DISP3: variants seen among roughly 807,000 people sequenced by gnomAD.
DISP3 encodes dispatched RND transporter family member 3.
Under a neutral mutation model 135.3 loss-of-function variants are expected in DISP3, and 101 were observed. That is an observed-to-expected ratio of 0.75 (90% CI 0.64 to 0.88). DISP3 has a LOEUF of 0.88. Among genes scored for constraint, DISP3 ranks in the 40% least tolerant of loss-of-function variants. The probability of loss-of-function intolerance (pLI) is 0.00; values close to 1 mark genes in which losing one functional copy is unlikely to be tolerated. For synonymous variants in DISP3, 856 were observed against 817.0 expected, an observed-to-expected ratio of 1.05 and a Z score of -0.81; for missense variants, 1,713 against 1,878.6, an observed-to-expected ratio of 0.91 and a Z score of 1.63.
Position 11,531,971 on chromosome 1 carries a change from C to A in DISP3, c.3375+261C>A, listed in dbSNP as rs531190385. On this transcript the variant is annotated intron_variant, in intron 17 of 20. Coordinates refer to ENST00000294484, the MANE Select transcript of DISP3 (RefSeq NM_020780.2). The surrounding 1 kb of genome is among the most constrained non-coding windows in gnomAD (Gnocchi z 5.2). ...ACCTTTCCCCTTCCCTCCCTCTCCA[C>A]CAACTGGGGGTCCACGGTATTTTTT... 1.1e-4 allele frequency among the ~76,000 whole-genome samples: 17 copies of A among 152,348 alleles called. No homozygotes were observed. Among genetic ancestry groups the A allele is most frequent in the Middle Eastern group, 3.4e-3 (1 of 294 alleles).
intron 12 of DISP3, among the ~76,000 whole-genome samples, chr1:11,525,937 G>A (rs1196509520): frequency 6.6e-6 from 1 of 152,186 alleles, no homozygotes; most frequent in East Asian, 1.9e-4. Context: ...AGCCTCCTGA[G>A]TAGCTGTGAC....
chr1:11,519,380 ACCT>A lies in DISP3; in HGVS notation c.1918_1920del (p.Ser640del), dbSNP rs779733764. ...CTGCCACCAGAATTGCAGCCGGAAG[ACCT>A]CCCTGCACTTCCCCGGAGACGTGTT... On this transcript the variant is annotated inframe_deletion, in exon 8 of 21. Transcript: ENST00000294484. This position sits in a 1 kb window ranked among gnomAD's most constrained non-coding sequence, Gnocchi z 4.3. 3 of 1,612,818 alleles carry A rather than the reference ACCT, an allele frequency of 1.9e-6. No homozygotes were observed. Among genetic ancestry groups the A allele is most frequent in the Non-Finnish European group, 1.7e-6 (2 of 1,179,740 alleles).
chr1:11,536,645 A>C lies in DISP3; in HGVS notation c.4138A>C (p.Ser1380Arg). The C allele has an allele frequency of 6.3e-7, 1 of 1,596,928 alleles. No individual in the cohort carries two copies. Among genetic ancestry groups the C allele is most frequent in the East Asian group, 2.3e-5 (1 of 43,952 alleles). ...GLGACLVLLQSGYKIPLPAGA... is the reference protein window; with the variant it reads ...GLGACLVLLQRGYKIPLPAGA... ...GGGTGCCTGCCTCGTGCTCCTGCAGAGCGGCTATAAGATTCCCCTGCCCGC... is the reference window on the plus strand; with the variant it reads ...GGGTGCCTGCCTCGTGCTCCTGCAGCGCGGCTATAAGATTCCCCTGCCCGC... Residue 1380 changes from serine to arginine, a missense_variant, in exon 21 of 21, where the codon AGC becomes CGC. Around this residue, in one of 2 missense-constraint regions of DISP3, gnomAD observed 1,142 missense variants for 1,384.6 expected, o/e 0.82. Transcript: ENST00000294484. The surrounding 1 kb of genome is among the most constrained non-coding windows in gnomAD (Gnocchi z 4.3).
At chr1:11,481,054 C>G (rs1202051367) in intron 1 of DISP3, among the ~76,000 whole-genome samples, 1 of 129,808 alleles carries the variant, frequency 7.7e-6, no homozygotes, top group South Asian at 3.0e-4. Context: ...CTCTCTCTCT[C>G]TCTCTCTCTC....
intron 10 of DISP3, among the ~76,000 whole-genome samples, chr1:11,523,262 AAC>A (rs1247894329): frequency 6.6e-6 from 1 of 152,190 alleles, no homozygotes; most frequent in Non-Finnish European, 1.5e-5. Flanking sequence ...AGGAAGGGCT[AAC>A]ACACAACGCT....
chr1:11,518,869 C>T (rs766681695), intron 7 of DISP3, among the ~76,000 whole-genome samples: 2 of 152,266 alleles, frequency 1.3e-5, no homozygotes, highest in East Asian at 1.9e-4. Flanking sequence ...ACACAGCGCT[C>T]GTATCAGCCG....
At chr1:11,514,740 C>T (rs2100450319) in intron 4 of DISP3, among the ~76,000 whole-genome samples, 1 of 152,388 alleles carries the variant, frequency 6.6e-6, no homozygotes, top group South Asian at 2.1e-4. Flanking sequence ...ACACCCTCTA[C>T]CCTGGGCCCC....
In DISP3 at chr1:11,529,986, C is replaced by T. The variant is rs184538743; in HGVS notation, c.3102+27C>T. The T allele has an allele frequency of 2.4e-5, 39 of 1,603,420 alleles. No homozygotes were observed. The highest frequency in any genetic ancestry group is 2.2e-4 in the East Asian group (10 of 44,836). On this transcript the variant is annotated intron_variant, in intron 15 of 20. Transcript: ENST00000294484. The surrounding 1 kb of genome is among the most constrained non-coding windows in gnomAD (Gnocchi z 4.7). ...TACGGGGCATGCGTCGGGCAGATGC[C>T]GAGGGCCCCAGCTGCAACAGTCTTG...
In DISP3 at chr1:11,483,598, A is replaced by G. The variant is rs1426252122; in HGVS notation, c.-4+4226A>G. 6.6e-6 allele frequency among the ~76,000 whole-genome samples: 1 copy of G among 152,240 alleles called. No homozygotes were observed. The highest frequency in any genetic ancestry group is 1.5e-5 in the Non-Finnish European group (1 of 68,044). On this transcript the variant is annotated intron_variant, in intron 1 of 20. Transcript: ENST00000294484. The surrounding 1 kb of genome is among the most constrained non-coding windows in gnomAD (Gnocchi z 5.4). ...TTGTTTTGGTTACTGTCATTCAATA[A>G]ATATTTTCTTGTCGAGAAACCTGTT...
intron 1 of DISP3, chr1:11,481,218 A>C (rs1383219831): frequency 6.6e-6 from 1 of 151,528 alleles, no homozygotes; most frequent in Non-Finnish European, 1.5e-5. Context: ...CCTTAGGGGG[A>C]GCTGACTCCA....
rs185405512 is a variant in DISP3, at chr1:11,492,639, C to T, written c.-3-8351C>T. 2.7e-3 allele frequency among the ~76,000 whole-genome samples: 415 copies of T among 152,230 alleles called. 2 individuals carry two copies. Among genetic ancestry groups the T allele is most frequent in the African/African-American group, 9.4e-3 (391 of 41,522 alleles). ...GTCATTTGTACCCCCTCTGAATTTC[C>T]GGCTGGCAAATTGAGCCAACAAAGA... On this transcript the variant is annotated intron_variant, in intron 1 of 20. Transcript: ENST00000294484.
chr1:11,519,163 C>T lies in DISP3; in HGVS notation c.1890-192C>T, dbSNP rs1259288114. Among the ~76,000 whole-genome samples, 1 of 152,120 alleles carries T rather than the reference C, an allele frequency of 6.6e-6. No homozygotes were observed. The highest frequency in any genetic ancestry group is 6.5e-5 in the Admixed American group (1 of 15,280). On this transcript the variant is annotated intron_variant, in intron 7 of 20. Transcript: ENST00000294484. The surrounding 1 kb of genome is among the most constrained non-coding windows in gnomAD (Gnocchi z 4.3). ...TGTCTCTCTGGAGGAAGACTGGCAC[C>T]TGAGGGCCCTGGGGTAGATGGTACT... is the stretch of plus-strand genomic sequence containing the variant.
At chr1:11,533,708 G>A in intron 17 of DISP3, 3 of 691,466 alleles carry the variant, frequency 4.3e-6, no homozygotes, top group South Asian at 3.1e-5. Flanking sequence ...CCGCTTCCAA[G>A]CTGACCCCAC....
At position 11,529,526 on chromosome 1, in the gene DISP3, G is replaced by T. The variant is rs2100509135; in HGVS notation, c.2799-30G>T. ...CCCCTGACTCCTCCTAGCCTTTCCG[G>T]CCTCAGCCCAGCCTCCATTCCCTCC... On this transcript the variant is annotated intron_variant, in intron 13 of 20. Transcript: ENST00000294484. This position sits in a 1 kb window ranked among gnomAD's most constrained non-coding sequence, Gnocchi z 4.7. The T allele has an allele frequency of 2.0e-6, 3 of 1,533,362 alleles. No homozygotes were observed. The highest frequency in any genetic ancestry group is 2.6e-6 in the Non-Finnish European group (3 of 1,137,664). The allele number at this position is 1,533,362 out of a possible 1,614,324, so 95.0% of individuals were successfully genotyped here. A position where few individuals can be genotyped will look rare whatever the true frequency, so the allele number is the denominator to read the frequency against.
At chr1:11,506,967 A>G (rs912942711) in intron 3 of DISP3, among the ~76,000 whole-genome samples, 32 of 152,122 alleles carry the variant, frequency 2.1e-4, no homozygotes, top group Middle Eastern at 3.4e-3. Flanking sequence ...ATGCCCAGCT[A>G]GTTTTTTGTT....
chr1:11,515,776 G>A (rs1200741020), intron 5 of DISP3, among the ~76,000 whole-genome samples: 3 of 152,098 alleles, frequency 2.0e-5, no homozygotes, highest in East Asian at 1.9e-4. Context: ...GGGGGAAGGC[G>A]CCTAGCTCTG....
chr1:11,525,923 C>T (rs1001600185), intron 12 of DISP3, among the ~76,000 whole-genome samples: 4 of 152,224 alleles, frequency 2.6e-5, no homozygotes, highest in Admixed American at 6.5e-5. Context: ...GATCCTCTCT[C>T]ATCAGCCTCC....
At position 11,519,655 on chromosome 1, in the gene DISP3, AG is replaced by A; in HGVS notation, c.2039-63del. The A allele has an allele frequency of 6.3e-7, 1 of 1,582,560 alleles. No homozygotes were observed. The highest frequency in any genetic ancestry group is 8.6e-7 in the Non-Finnish European group (1 of 1,162,866). ...CACCAGGCATCTGGGCTTCCCTGGA[AG>A]CGAGCGTGGACCACAGTGGGCTTTG... On this transcript the variant is annotated intron_variant, in intron 8 of 20. Coordinates refer to ENST00000294484, the MANE Select transcript of DISP3 (RefSeq NM_020780.2). This position sits in a 1 kb window ranked among gnomAD's most constrained non-coding sequence, Gnocchi z 4.3.
chr1:11,502,869 G>A lies in DISP3; in HGVS notation c.1288G>A (p.Val430Met), dbSNP rs1169708893. Residue 430 changes from valine (V) to methionine (M), a missense_variant, in exon 3 of 21, where the codon GTG becomes ATG. This residue lies in a region of DISP3 where 1,142 missense variants were observed against 1,384.6 expected (regional missense o/e 0.82). Transcript: ENST00000294484. ...AKFQSFVVTY[V>M]AMLAKQSTSK... Reference sequence around the variant, plus strand: ...GTTTCAGAGCTTCGTGGTCACCTACGTGGCCATGCTGGCCAAGCAGTCTAC... The same window carrying A: ...GTTTCAGAGCTTCGTGGTCACCTACATGGCCATGCTGGCCAAGCAGTCTAC... 8.1e-6 allele frequency: 13 copies of A among 1,613,808 alleles called. 1 individual carries two copies. The Admixed American group carries it at 8.3e-5, about 10-fold the overall frequency.
Sources: allele counts gnomAD v4.1 joint callset (sites outside exome capture counted in the v4.1 genomes callset), GRCh38; gene constraint gnomAD v4.1.1; regional missense constraint gnomAD v4.1.1; non-coding constraint Gnocchi (gnomAD v3.1); transcripts MANE v1.5; gene names NCBI Gene and HGNC (gene_info 2026-07-23, HGNC 2026-07-21).